SPINK5: variants seen among roughly 807,000 people sequenced by gnomAD.
SPINK5 encodes the protein serine protease inhibitor Kazal-type 5.
Under a neutral mutation model 151.8 loss-of-function variants are expected in SPINK5, and 125 were observed. The observed-to-expected ratio is 0.82, with a 90% CI of 0.71 to 0.96. The LOEUF (loss-of-function observed/expected upper bound fraction) is 0.96, where lower values mean the gene tolerates loss of function less well. Among genes scored for constraint, SPINK5 ranks in the 40% least tolerant of loss-of-function variants. The probability of loss-of-function intolerance (pLI) is 0.00; values close to 1 mark genes in which losing one functional copy is unlikely to be tolerated. For synonymous variants in SPINK5, 374 were observed against 395.3 expected (o/e 0.95, Z 0.64); for missense variants, 1,194 against 1,291.9 (o/e 0.92, Z 1.16).
intron 30 of SPINK5, among the ~76,000 whole-genome samples, chr5:148,129,459 G>A (rs758014759): frequency 3.3e-5 from 5 of 152,094 alleles, no homozygotes; most frequent in Non-Finnish European, 7.4e-5. Context: ...TACTGGGTCT[G>A]TTTTGAAGGT....
At chr5:148,078,823 G>A (rs1242289770) in intron 4 of SPINK5, among the ~76,000 whole-genome samples, 2 of 150,602 alleles carry the variant, frequency 1.3e-5, no homozygotes, top group Non-Finnish European at 3.0e-5. Context: ...AGAAATAAGA[G>A]ATAGGATTCA....
At chr5:148,120,890 A>T (rs1355535926) in intron 26 of SPINK5, among the ~76,000 whole-genome samples, 3 of 152,038 alleles carry the variant, frequency 2.0e-5, no homozygotes, top group Admixed American at 2.0e-4. Context: ...CAGGCCTATA[A>T]TCCCAGCACT....
intron 16 of SPINK5, among the ~76,000 whole-genome samples, chr5:148,105,932 C>G (rs1753771689): frequency 6.6e-6 from 1 of 151,682 alleles, no homozygotes; most frequent in Non-Finnish European, 1.5e-5. Context: ...CCTGTTTATT[C>G]TATTTCTTAA....
Position 148,087,019 on chromosome 5 carries a change from TTCTA to T in SPINK5, c.410+494_410+497del, listed in dbSNP as rs780341205. Reference sequence around the variant, plus strand: ...ATATATATACATACACACATCTATCTTCTATCTATCCATCATCTATTATCTATTT... The same window carrying T: ...ATATATATACATACACACATCTATCTTCTATCCATCATCTATTATCTATTT... On this transcript the variant is annotated intron_variant, in intron 5 of 32. Coordinates refer to ENST00000256084, the MANE Select transcript of SPINK5 (RefSeq NM_006846.4). Among the ~76,000 whole-genome samples the T allele has an allele frequency of 9.2e-5, 14 of 151,554 alleles. No individual in the cohort carries two copies. In the Middle Eastern group the frequency reaches 0.014, roughly 149 times the overall value.
At position 148,137,118 on chromosome 5, in the gene SPINK5, C is replaced by A; in HGVS notation, c.*127C>A. ...ATTTGCTATAGAAAACAATACAGAG[C>A]TTTTGGGAATGGACTCACTGATTTT... On this transcript the variant is annotated 3_prime_UTR_variant, in exon 33 of 33. Transcript: ENST00000256084. The A allele has an allele frequency of 2.3e-6, 3 of 1,279,518 alleles. No homozygotes were observed. Among genetic ancestry groups the A allele is most frequent in the Non-Finnish European group, 3.4e-6 (3 of 881,370 alleles). The allele number at this position is 1,279,518 out of a possible 1,614,324, so 79.3% of individuals were successfully genotyped here.
intron 2 of SPINK5, among the ~76,000 whole-genome samples, chr5:148,069,766 A>G (rs142570570): frequency 6.6e-6 from 1 of 152,270 alleles, no homozygotes; most frequent in East Asian, 1.9e-4. Flanking sequence ...TGTGCTCATA[A>G]GTCAAATGAT....
rs373463881 is a variant in SPINK5 at position 148,099,271 on chromosome 5, C to T, written c.1048C>T (p.Arg350Ter). The change falls in exon 12 of 33, where the codon CGA (arginine) becomes TGA (stop). Residue 350 changes from arginine to a stop codon, truncating the protein, a stop_gained. Transcript: ENST00000256084. LOFTEE classifies it high-confidence loss of function. ...TGAAGAAAAGAAAAAGGCTGAAGCA[C>T]GAGCTAGAAACAAAAGAGAATCTGG... ...ENEEKKKAEARARNKRESGKA... is the reference protein window; with the variant it reads ...ENEEKKKAEA 77 of 1,612,116 alleles carry T rather than the reference C, an allele frequency of 4.8e-5. No homozygotes were observed. The highest frequency in any genetic ancestry group is 5.9e-5 in the Non-Finnish European group (70 of 1,178,958).
At chr5:148,127,593 C>T (rs906103350) in intron 30 of SPINK5, among the ~76,000 whole-genome samples, 4 of 152,084 alleles carry the variant, frequency 2.6e-5, no homozygotes, top group Middle Eastern at 3.2e-3. Flanking sequence ...TGGCTCATGA[C>T]TATAACCCCA....
rs758086366 is a variant in SPINK5, at chr5:148,088,553, C to A, written c.422C>A (p.Ser141Tyr). Reference protein sequence around the residue: ...ALCAENAKTGSQIGVKSEGEC... With the variant: ...ALCAENAKTGYQIGVKSEGEC... ...ACTTTTGATTCTAGGAAAACCGGGTCCCAAATTGGTGTAAAAAGTGAAGGG... is the reference window on the plus strand; with the variant it reads ...ACTTTTGATTCTAGGAAAACCGGGTACCAAATTGGTGTAAAAAGTGAAGGG... Residue 141 changes from serine to tyrosine, a missense_variant, in exon 6 of 33, where the codon TCC (serine) becomes TAC (tyrosine). Physicochemically the swap from Ser to Tyr is moderately radical, Grantham distance 144. Coordinates refer to ENST00000256084, the MANE Select transcript of SPINK5 (RefSeq NM_006846.4). 3 of 1,611,400 alleles carry A rather than the reference C, an allele frequency of 1.9e-6. No homozygotes were observed. Among genetic ancestry groups the A allele is most frequent in the Non-Finnish European group, 2.5e-6 (3 of 1,178,504 alleles).
chr5:148,073,174 C>T (rs1348485521), intron 4 of SPINK5, among the ~76,000 whole-genome samples: 1 of 151,782 alleles, frequency 6.6e-6, no homozygotes, highest in African/African-American at 2.4e-5. Context: ...TCACTAATTT[C>T]CACTTTCTTT....
At position 148,137,090 on chromosome 5, in the gene SPINK5, C is replaced by T; in HGVS notation, c.*99C>T. 4.7e-6 allele frequency: 7 copies of T among 1,491,120 alleles called. No individual in the cohort carries two copies. Among genetic ancestry groups the T allele is most frequent in the Non-Finnish European group, 6.5e-6 (7 of 1,069,810 alleles). The allele number at this position is 1,491,120 out of a possible 1,614,324, so 92.4% of individuals were successfully genotyped here. On this transcript the variant is annotated 3_prime_UTR_variant, in exon 33 of 33. Coordinates refer to ENST00000256084, the MANE Select transcript of SPINK5 (RefSeq NM_006846.4). ...ATACAAAGAATTCTTCGGAGCTTGT[C>T]TTATTTGCTATAGAAAACAATACAG...
In SPINK5 at chr5:148,123,517, ATG is replaced by A. The variant is rs1196649523; in HGVS notation, c.2539-312_2539-311del. Among the ~76,000 whole-genome samples, 65 of 17,528 alleles carry A rather than the reference ATG, an allele frequency of 3.7e-3. 1 individual carries two copies. Among genetic ancestry groups the A allele is most frequent in the African/African-American group, 8.7e-3 (59 of 6,744 alleles). The allele number at this position is 17,528 out of a possible 152,430, so 11.5% of individuals were successfully genotyped here. A position where few individuals can be genotyped will look rare whatever the true frequency, so the allele number is the denominator to read the frequency against. On this transcript the variant is annotated intron_variant, in intron 26 of 32. Transcript: ENST00000256084. ...AGCCTGGAGTGCAGTGGTGCAATAT[ATG>A]TGTATATATATATATATATATATAT...
At chr5:148,134,041 A>ATAAT (rs1180966432) in intron 32 of SPINK5, 154 bp downstream of exon 32, 1 of 729,902 alleles carries the variant, frequency 1.4e-6, no homozygotes, top group Non-Finnish European at 2.5e-6. Context: ...CACTATAAGG[A>ATAAT]TAATTAAGTA....
intron 19 of SPINK5, among the ~76,000 whole-genome samples, chr5:148,112,454 G>C (rs140324633): frequency 0.15 from 23,197 of 151,922 alleles, 2,413 homozygotes; most frequent in East Asian, 0.32. Flanking sequence ...GCGGGCAGAT[G>C]ACGAGGTCAA....
chr5:148,099,451 G>A, intron 12 of SPINK5, 136 bp downstream of exon 12: 1 of 644,024 alleles, frequency 1.6e-6, no homozygotes, highest in Non-Finnish European at 2.7e-6. Flanking sequence ...GTATTGAGAT[G>A]AATTATATGG....
In SPINK5 at chr5:148,112,919, A is replaced by G; in HGVS notation, c.1872A>G (p.Lys624=). The G allele has an allele frequency of 2.5e-6, 4 of 1,613,888 alleles. No homozygotes were observed. Among genetic ancestry groups the G allele is most frequent in the Non-Finnish European group, 3.4e-6 (4 of 1,179,872 alleles). ...KERAEPRAKV[K]REAEKETCDE... ...GAGCTGAACCCAGAGCAAAAGTCAA[A>G]AGAGAAGCTGAAAAGGTAGTAATCC... Residue 624 remains lysine (K), a synonymous_variant, in exon 20 of 33, where the codon AAA becomes AAG. Coordinates refer to ENST00000256084, the MANE Select transcript of SPINK5 (RefSeq NM_006846.4).
In SPINK5 at chr5:148,125,847, T is replaced by C. The variant is rs115820034; in HGVS notation, c.2864T>C (p.Val955Ala). 3,154 of 1,614,214 alleles carry C rather than the reference T, an allele frequency of 2.0e-3. 59 individuals are homozygous for C. The African/African-American group carries it at 0.036, about 18-fold the overall frequency. Reference sequence around the variant, plus strand: ...AACAAGTGCTACATGTGCAGAGCTGTCTTGTGAGTAAGAGGATTCTGCTCC... The same window carrying C: ...AACAAGTGCTACATGTGCAGAGCTGCCTTGTGAGTAAGAGGATTCTGCTCC... ...YTNKCYMCRAVFLTEALERAK... is the reference protein window; with the variant it reads ...YTNKCYMCRAAFLTEALERAK... Residue 955 changes from valine (V) to alanine (A), a missense_variant, in exon 29 of 33, where the codon GTC becomes GCC. Physicochemically the swap from Val to Ala is moderately conservative, Grantham distance 64. Coordinates refer to ENST00000256084, the MANE Select transcript of SPINK5 (RefSeq NM_006846.4).
chr5:148,108,649 C>T lies in SPINK5; in HGVS notation c.1608-104C>T. On this transcript the variant is annotated intron_variant, in intron 17 of 32. Transcript: ENST00000256084. ...AGACTAGATAAATTTGTATTGAAGA[C>T]TGAATCTGACTGTTGGTTTGGAAGA... 9 of 1,507,400 alleles carry T rather than the reference C, an allele frequency of 6.0e-6. No homozygotes were observed. In the South Asian group the frequency reaches 9.3e-5, roughly 16 times the overall value. 93.4% of individuals were successfully genotyped at this position (1,507,400 alleles called of 1,614,324 possible).
rs60763631 is a variant in SPINK5 at position 148,133,615 on chromosome 5, C to T, written c.3096-182C>T. Among the ~76,000 whole-genome samples, 16,309 of 152,058 alleles carry T rather than the reference C, an allele frequency of 0.11. 1,124 individuals carry two copies. Among genetic ancestry groups the T allele is most frequent in the East Asian group, 0.31 (1,589 of 5,154 alleles). On this transcript the variant is annotated intron_variant, in intron 31 of 32. Coordinates refer to ENST00000256084, the MANE Select transcript of SPINK5 (RefSeq NM_006846.4). The stretch of plus-strand genomic sequence containing the variant: ...CCAGGGCTAGGGGATGAATCTGGAG[C>T]AGAAGAGAGACAGCCTGGATGATAC...
Sources: gnomAD v4.1 joint callset for allele counts (sites outside exome capture counted in the v4.1 genomes callset) on GRCh38, gnomAD v4.1.1 for gene constraint, MANE v1.5 for transcripts, NCBI Gene and HGNC (gene_info 2026-07-23, HGNC 2026-07-21) for gene names.